The following GPC5 variants were observed in gnomAD, a reference collection of about 807,000 sequenced individuals.
GPC5 encodes the protein glypican-5.
GPC5 carries 47 observed loss-of-function variants against 53.9 expected under a neutral mutation model. The ratio of observed to expected loss-of-function variants is 0.87; its 90% CI spans 0.69 to 1.11. GPC5 has a LOEUF of 1.11. GPC5 is among the 50% of genes most tolerant of loss of function. The probability of loss-of-function intolerance (pLI) is 0.00; values close to 1 mark genes in which losing one functional copy is unlikely to be tolerated. For missense variants in GPC5, 748 were observed against 713.1 expected, an observed-to-expected ratio of 1.05 and a Z score of -0.56; for synonymous variants, 286 against 263.3, an observed-to-expected ratio of 1.09 and a Z score of -0.84.
chr13:92,638,296 T>TA (rs1469849024), intron 7 of GPC5, among the ~76,000 whole-genome samples: 3 of 152,012 alleles, frequency 2.0e-5, no homozygotes, highest in East Asian at 1.9e-4. Context: ...CAAGTCTACA[T>TA]AAAAAAATAA....
intron 2 of GPC5, among the ~76,000 whole-genome samples, chr13:91,602,547 A>G (rs1301807790): frequency 6.6e-6 from 1 of 152,218 alleles, no homozygotes; most frequent in Non-Finnish European, 1.5e-5. Context: ...CAGCAAAGTT[A>G]TTATCAATTT....
At chr13:92,750,558 G>A (rs12431356) in intron 7 of GPC5, among the ~76,000 whole-genome samples, 9,694 of 152,158 alleles carry the variant, frequency 0.064, 809 homozygotes, top group East Asian at 0.37. Flanking sequence ...AACTTCTAGT[G>A]TACAGAAAAG....
In GPC5 at chr13:92,569,951, G is replaced by T. The variant is rs1348524802; in HGVS notation, c.1562-296331G>T. 3.3e-5 allele frequency among the ~76,000 whole-genome samples: 5 copies of T among 152,144 alleles called. No individual in the cohort carries two copies. In the East Asian group the frequency reaches 5.8e-4, roughly 18 times the overall value. ...GGTCAAATGCAGAATATTTCAGTCT[G>T]CAATTTCCCATTTAATTCTTGTCCT... On this transcript the variant is annotated intron_variant, in intron 7 of 7. Transcript: ENST00000377067.
At chr13:92,679,840 GCT>G (rs755464684) in intron 7 of GPC5, among the ~76,000 whole-genome samples, 14 of 152,032 alleles carry the variant, frequency 9.2e-5, no homozygotes, top group East Asian at 5.8e-4. Context: ...TCGCGTGCGT[GCT>G]CTCTCTCTCA....
intron 6 of GPC5, among the ~76,000 whole-genome samples, chr13:92,117,588 C>G (rs896662111): frequency 1.3e-5 from 2 of 152,132 alleles, no homozygotes; most frequent in Admixed American, 6.5e-5. Flanking sequence ...ATCGACATCT[C>G]AAGAATATTG....
At chr13:92,340,211 TTATG>T (rs2043354877) in intron 7 of GPC5, among the ~76,000 whole-genome samples, 1 of 152,130 alleles carries the variant, frequency 6.6e-6, no homozygotes. Flanking sequence ...AAAATGGTAA[TTATG>T]TAGTTTATTT....
intron 7 of GPC5, among the ~76,000 whole-genome samples, chr13:92,349,805 T>C (rs1205219449): frequency 6.6e-6 from 1 of 152,134 alleles, no homozygotes; most frequent in African/African-American, 2.4e-5. Flanking sequence ...GAATTCTACC[T>C]ATTTTTTAAA....
chr13:92,718,337 C>A (rs560372459), intron 7 of GPC5, among the ~76,000 whole-genome samples: 1 of 151,932 alleles, frequency 6.6e-6, no homozygotes, highest in Non-Finnish European at 1.5e-5. Flanking sequence ...AAAGAAAATG[C>A]GGTACACAAT....
At chr13:92,129,199 G>A (rs751473176) in intron 6 of GPC5, among the ~76,000 whole-genome samples, 4 of 152,168 alleles carry the variant, frequency 2.6e-5, no homozygotes, top group African/African-American at 4.8e-5. Flanking sequence ...CTAATTTTGA[G>A]ACTAATGACT....
At chr13:91,446,072 T>C (rs185607765) in intron 1 of GPC5, among the ~76,000 whole-genome samples, 15 of 152,282 alleles carry the variant, frequency 9.9e-5, no homozygotes, top group East Asian at 5.8e-4. Context: ...TTAAAGTTTG[T>C]GGGGATATCA....
At chr13:92,448,008 A>G (rs1877902837) in intron 7 of GPC5, 2 of 152,122 alleles carry the variant, frequency 1.3e-5, no homozygotes, top group Non-Finnish European at 2.9e-5. Context: ...ATTAAAATCT[A>G]TTTCCACAAT....
chr13:91,943,405 T>C (rs2039946312), intron 6 of GPC5, among the ~76,000 whole-genome samples: 1 of 152,126 alleles, frequency 6.6e-6, no homozygotes, highest in African/African-American at 2.4e-5. Context: ...TTCAGTGTGA[T>C]CACATGGTTA....
intron 7 of GPC5, among the ~76,000 whole-genome samples, chr13:92,478,521 A>T (rs544005186): frequency 1.3e-5 from 2 of 152,344 alleles, no homozygotes; most frequent in African/African-American, 4.8e-5. Flanking sequence ...TTCGCTAAAA[A>T]TGTATGCCTA....
At chr13:91,571,798 TATATACACACACATAC>T in intron 2 of GPC5, among the ~76,000 whole-genome samples, 1 of 117,244 alleles carries the variant, frequency 8.5e-6, no homozygotes, top group African/African-American at 3.5e-5. Context: ...CGTGTGTGTA[TATATACACACACATAC>T]GTGTGTGTAT....
chr13:92,214,009 T>C (rs1056854634), intron 7 of GPC5, among the ~76,000 whole-genome samples: 1 of 152,292 alleles, frequency 6.6e-6, no homozygotes, highest in East Asian at 1.9e-4. Context: ...TCTCTTCTTT[T>C]CAAGAGCCTA....
At chr13:92,651,497 C>T (rs1333312762) in intron 7 of GPC5, among the ~76,000 whole-genome samples, 5 of 152,012 alleles carry the variant, frequency 3.3e-5, no homozygotes, top group South Asian at 2.1e-4. Flanking sequence ...AGAACTATCA[C>T]GGTCATCAAT....
chr13:92,517,130 G>T (rs1212651987), intron 7 of GPC5, among the ~76,000 whole-genome samples: 1 of 152,142 alleles, frequency 6.6e-6, no homozygotes, highest in Non-Finnish European at 1.5e-5. Context: ...GAGGCTGGGG[G>T]AGGGGCTCCC....
At position 92,119,883 on chromosome 13, in the gene GPC5, G is replaced by A. The variant is rs372742472; in HGVS notation, c.1402-24947G>A. Reference sequence around the variant, plus strand: ...TCTGCACAACTATACATATAAGAGCGCTCAATAGAAAGAATAAAGAGGAAA... The same window carrying A: ...TCTGCACAACTATACATATAAGAGCACTCAATAGAAAGAATAAAGAGGAAA... On this transcript the variant is annotated intron_variant, in intron 6 of 7. Coordinates refer to ENST00000377067, the MANE Select transcript of GPC5 (RefSeq NM_004466.6). 7.2e-5 allele frequency among the ~76,000 whole-genome samples: 11 copies of A among 152,016 alleles called. No homozygotes were observed. The East Asian group carries it at 9.7e-4, about 13-fold the overall frequency.
chr13:91,936,480 G>C (rs1027511727), intron 6 of GPC5, among the ~76,000 whole-genome samples: 2 of 152,050 alleles, frequency 1.3e-5, no homozygotes, highest in Admixed American at 1.3e-4. Context: ...TGACCACAAA[G>C]CATCATTTTT....
Sources: allele counts gnomAD v4.1 joint callset (sites outside exome capture counted in the v4.1 genomes callset), GRCh38; gene constraint gnomAD v4.1.1; transcripts MANE v1.5; gene names NCBI Gene and HGNC (gene_info 2026-07-23, HGNC 2026-07-21).